The following PPARA variants were observed in gnomAD, a reference collection of about 807,000 sequenced individuals.
PPARA encodes peroxisome proliferator activated receptor alpha, also known as peroxisome proliferator-activated receptor alpha.
PPARA carries 22 observed loss-of-function variants against 42.2 expected under a neutral mutation model. The ratio of observed to expected loss-of-function variants is 0.52; its 90% CI spans 0.37 to 0.74. The LOEUF is 0.74. Ranked by LOEUF, PPARA falls within the 30% of genes least tolerant of loss-of-function variation. PPARA has a pLI of 0.00. For missense variants in PPARA, 465 were observed against 608.2 expected, an observed-to-expected ratio of 0.76 and a Z score of 2.48; for synonymous variants, 242 against 239.3, an observed-to-expected ratio of 1.01 and a Z score of -0.10.
Position 46,198,566 on chromosome 22 carries a change from T to C in PPARA, c.183T>C (p.Pro61=). The stretch of plus-strand genomic sequence containing the variant: ...AATACCAGTATTTAGGAAGCTGTCC[T>C]GGCTCAGATGGCTCGGTCATCACGG... The part of the protein sequence containing the change: ...FTEYQYLGSC[P]GSDGSVITDT... The change falls in exon 4 of 9, where the codon CCT becomes CCC. Residue 61 remains proline, a synonymous_variant. Transcript: ENST00000407236. 1 of 1,613,602 alleles carries C rather than the reference T, an allele frequency of 6.2e-7. No homozygotes were observed. The highest frequency in any genetic ancestry group is 8.5e-7 in the Non-Finnish European group (1 of 1,179,794).
intron 3 of PPARA, among the ~76,000 whole-genome samples, chr22:46,179,735 CTT>C (rs1011001571): frequency 6.6e-5 from 10 of 151,380 alleles, no homozygotes; most frequent in African/African-American, 2.4e-4. Flanking sequence ...CAAAATGAAA[CTT>C]TTACTGTTCA....
rs1407743235 is a variant in PPARA at position 46,221,892 on chromosome 22, A to G, written c.711+1878A>G. On this transcript the variant is annotated intron_variant, in intron 7 of 8. Transcript: ENST00000407236. This position sits in a 1 kb window ranked among gnomAD's most constrained non-coding sequence, Gnocchi z 5.9. ...GGAGTTTGAGACCACCCTGGCCAAC[A>G]TGGTGAAACCCCATCTCTATTAAAA... 6.6e-6 allele frequency among the ~76,000 whole-genome samples: 1 copy of G among 152,088 alleles called. No homozygotes were observed. The highest frequency in any genetic ancestry group is 1.5e-5 in the Non-Finnish European group (1 of 68,006).
chr22:46,215,750 A>T (rs963644314), intron 5 of PPARA, among the ~76,000 whole-genome samples: 1 of 151,884 alleles, frequency 6.6e-6, no homozygotes, highest in Non-Finnish European at 1.5e-5. Flanking sequence ...CTTAAAAAAA[A>T]AGAAAGAAAA....
At chr22:46,170,614 G>T (rs979337683) in intron 2 of PPARA, among the ~76,000 whole-genome samples, 4 of 151,518 alleles carry the variant, frequency 2.6e-5, no homozygotes, top group Non-Finnish European at 5.9e-5. Flanking sequence ...GACTCATTCT[G>T]TAAATTTTTA....
chr22:46,218,179 G>T, intron 5 of PPARA, 84 bp from the exon 6 acceptor site: 1 of 1,533,058 alleles, frequency 6.5e-7, no homozygotes, highest in South Asian at 1.1e-5. Flanking sequence ...AACAATAAAT[G>T]AGCAACAAAA....
chr22:46,225,971 C>A lies in PPARA; in HGVS notation c.712-5821C>A, dbSNP rs1474413155. On this transcript the variant is annotated intron_variant, in intron 7 of 8. Coordinates refer to ENST00000407236, the MANE Select transcript of PPARA (RefSeq NM_005036.6). This position sits in a 1 kb window ranked among gnomAD's most constrained non-coding sequence, Gnocchi z 4.1. ...CAGGCACACACAAATCCACATTCAC[C>A]CATACAGTCACACACATGCATACAC... Among the ~76,000 whole-genome samples the A allele has an allele frequency of 6.8e-6, 1 of 148,138 alleles. No individual in the cohort carries two copies. Among genetic ancestry groups the A allele is most frequent in the Non-Finnish European group, 1.5e-5 (1 of 67,668 alleles).
rs953502479 is a variant in PPARA, at chr22:46,212,681, G to A, written c.209-2492G>A. On this transcript the variant is annotated intron_variant, in intron 4 of 8. Coordinates refer to ENST00000407236, the MANE Select transcript of PPARA (RefSeq NM_005036.6). The surrounding 1 kb of genome is among the most constrained non-coding windows in gnomAD (Gnocchi z 4.2). ...CTATTCACCTATCTAAGGGCATCTTGGTTGCTTCCAATTTTTGGCAATTAA... is the reference window on the plus strand; with the variant it reads ...CTATTCACCTATCTAAGGGCATCTTAGTTGCTTCCAATTTTTGGCAATTAA... Among the ~76,000 whole-genome samples the A allele has an allele frequency of 9.9e-5, 15 of 152,098 alleles. No homozygotes were observed. Among genetic ancestry groups the A allele is most frequent in the Non-Finnish European group, 5.9e-5 (4 of 68,026 alleles).
At position 46,212,411 on chromosome 22, in the gene PPARA, A is replaced by T. The variant is rs961981141; in HGVS notation, c.209-2762A>T. On this transcript the variant is annotated intron_variant, in intron 4 of 8. Coordinates refer to ENST00000407236, the MANE Select transcript of PPARA (RefSeq NM_005036.6). The surrounding 1 kb of genome is among the most constrained non-coding windows in gnomAD (Gnocchi z 4.2). Reference sequence around the variant, plus strand: ...ACCACATCAAAAAACCCCATGCTTCACCTATTCAACCCTGCCTCTCCCACC... The same window carrying T: ...ACCACATCAAAAAACCCCATGCTTCTCCTATTCAACCCTGCCTCTCCCACC... Among the ~76,000 whole-genome samples the T allele has an allele frequency of 6.6e-6, 1 of 152,016 alleles. No homozygotes were observed. The highest frequency in any genetic ancestry group is 2.4e-5 in the African/African-American group (1 of 41,404).
intron 3 of PPARA, among the ~76,000 whole-genome samples, chr22:46,178,831 C>T (rs1041584239): frequency 6.6e-6 from 1 of 152,016 alleles, no homozygotes; most frequent in Non-Finnish European, 1.5e-5. Flanking sequence ...AGACAAGAAA[C>T]CATATCAGAA....
At chr22:46,197,622 C>T (rs191004031) in intron 3 of PPARA, among the ~76,000 whole-genome samples, 1 of 152,170 alleles carries the variant, frequency 6.6e-6, no homozygotes, top group East Asian at 1.9e-4. Flanking sequence ...AAGCAAGTGG[C>T]CAGGCGCAGT....
At chr22:46,185,553 C>T (rs960692295) in intron 3 of PPARA, among the ~76,000 whole-genome samples, 1 of 150,030 alleles carries the variant, frequency 6.7e-6, no homozygotes. Context: ...ATACTGTTGG[C>T]TTAATCTAAA....
intron 4 of PPARA, among the ~76,000 whole-genome samples, chr22:46,209,010 C>G (rs1419042049): frequency 1.3e-5 from 2 of 152,038 alleles, no homozygotes; most frequent in Middle Eastern, 3.2e-3. Context: ...GTGTATAGTG[C>G]TGCAGTAAAC....
intron 4 of PPARA, among the ~76,000 whole-genome samples, chr22:46,205,542 ATATATATATATATTTTT>A (rs1933181461): frequency 3.4e-5 from 1 of 29,606 alleles, no homozygotes; most frequent in South Asian, 1.4e-3. Flanking sequence ...ATATATATAT[ATATATATATATATTTTT>A]TTTTTTTTTT....
chr22:46,151,673 A>G (rs533023969), intron 1 of PPARA, among the ~76,000 whole-genome samples: 1 of 152,290 alleles, frequency 6.6e-6, no homozygotes, highest in South Asian at 2.1e-4. Context: ...CTGCCAGGAA[A>G]CCAGGGAGGC....
intron 7 of PPARA, among the ~76,000 whole-genome samples, chr22:46,228,857 C>A (rs1367725218): frequency 1.3e-5 from 2 of 152,100 alleles, no homozygotes; most frequent in African/African-American, 2.4e-5. Context: ...GTAATCCCAG[C>A]ACTTTGGGAG....
intron 3 of PPARA, among the ~76,000 whole-genome samples, chr22:46,177,525 C>T (rs1051275427): frequency 2.0e-5 from 3 of 150,974 alleles, no homozygotes; most frequent in African/African-American, 4.9e-5. Context: ...GAACTTCAAA[C>T]AGTCTTATGT....
chr22:46,192,764 A>G lies in PPARA; in HGVS notation c.-42-5578A>G, dbSNP rs1384267800. Among the ~76,000 whole-genome samples, 6 of 152,224 alleles carry G rather than the reference A, an allele frequency of 3.9e-5. No homozygotes were observed. The highest frequency in any genetic ancestry group is 1.2e-4 in the African/African-American group (5 of 41,462). ...CAGACAAATAGATAAAGGAAATGTG[A>G]TATATATACACAATGGAGTACTATT... On this transcript the variant is annotated intron_variant, in intron 3 of 8. Transcript: ENST00000407236. This position sits in a 1 kb window ranked among gnomAD's most constrained non-coding sequence, Gnocchi z 4.3.
chr22:46,171,507 G>A lies in PPARA; in HGVS notation c.-126-5246G>A, dbSNP rs1351746059. On this transcript the variant is annotated intron_variant, in intron 2 of 8. Transcript: ENST00000407236. The surrounding 1 kb of genome is among the most constrained non-coding windows in gnomAD (Gnocchi z 5.0). Reference sequence around the variant, plus strand: ...GCCCAGGACAGGTGAGTGGGTCAAGGGTGCCAGAAGGGGTGAGGGCACCAG... The same window carrying A: ...GCCCAGGACAGGTGAGTGGGTCAAGAGTGCCAGAAGGGGTGAGGGCACCAG... 6.6e-6 allele frequency: 1 copy of A among 152,658 alleles called. No homozygotes were observed. Among genetic ancestry groups the A allele is most frequent in the Non-Finnish European group, 1.5e-5 (1 of 68,418 alleles). 9.5% of individuals were successfully genotyped at this position (152,658 alleles called of 1,614,324 possible).
At position 46,219,812 on chromosome 22, in the gene PPARA, C is replaced by A; in HGVS notation, c.509C>A (p.Ala170Glu). The A allele has an allele frequency of 1.2e-6, 2 of 1,614,126 alleles. No homozygotes were observed. The change falls in exon 7 of 9, where the codon GCG (alanine) becomes GAG (glutamate). Residue 170 changes from alanine to glutamate, a missense_variant and splice_region_variant. Ala to Glu is a moderately radical substitution (Grantham distance 107, BLOSUM62 -1). Coordinates refer to ENST00000407236, the MANE Select transcript of PPARA (RefSeq NM_005036.6). The surrounding 1 kb of genome is among the most constrained non-coding windows in gnomAD (Gnocchi z 4.8). Reference protein sequence around the residue: ...KCLSVGMSHNAIRFGRMPRSE... With the variant: ...KCLSVGMSHNEIRFGRMPRSE... ...CTGTGTTTCCCCCTCCAAACCCTAG[C>A]GATTCGTTTTGGACGAATGCCAAGA...
Sources: allele counts gnomAD v4.1 joint callset (sites outside exome capture counted in the v4.1 genomes callset), GRCh38; gene constraint gnomAD v4.1.1; non-coding constraint Gnocchi (gnomAD v3.1); transcripts MANE v1.5; gene names NCBI Gene and HGNC (gene_info 2026-07-23, HGNC 2026-07-21).